The following DPP6 variants were observed in gnomAD, a reference collection of about 807,000 sequenced individuals.
DPP6 encodes A-type potassium channel modulatory protein DPP6.
Under a neutral mutation model 122.6 loss-of-function variants are expected in DPP6, and 69 were observed. That is an observed-to-expected ratio of 0.56 (90% confidence interval 0.46 to 0.69). The LOEUF is 0.69. DPP6 is among the 30% of genes least tolerant of loss of function. The pLI is 0.00. For synonymous variants in DPP6, 418 were observed against 433.1 expected (o/e 0.97, Z 0.43); for missense variants, 928 against 1,116.9 (o/e 0.83, Z 2.41).
intron 1 of DPP6, among the ~76,000 whole-genome samples, chr7:153,993,385 G>C (rs895325748): frequency 6.6e-6 from 1 of 152,144 alleles, no homozygotes; most frequent in Non-Finnish European, 1.5e-5. Context: ...TATTTCACCT[G>C]AATAAAAAAA....
chr7:154,342,976 A>G (rs951118361), intron 1 of DPP6, among the ~76,000 whole-genome samples: 12 of 152,224 alleles, frequency 7.9e-5, no homozygotes, highest in African/African-American at 2.7e-4. Context: ...AGTGGCCAAT[A>G]TTGATGTGCC....
At chr7:154,371,403 AAGAAAG>A (rs1410717676) in intron 1 of DPP6, among the ~76,000 whole-genome samples, 21 of 109,242 alleles carry the variant, frequency 1.9e-4, no homozygotes, top group African/African-American at 1.4e-3. Context: ...AAAAAAAAAA[AAGAAAG>A]AAAGAAAGAA....
chr7:154,383,422 C>G (rs1017340154), intron 1 of DPP6, among the ~76,000 whole-genome samples: 7 of 152,150 alleles, frequency 4.6e-5, no homozygotes, highest in African/African-American at 1.7e-4. Flanking sequence ...CATCGATTTG[C>G]AAAACATTGT....
intron 1 of DPP6, among the ~76,000 whole-genome samples, chr7:154,106,699 C>T (rs946673037): frequency 6.6e-5 from 10 of 152,056 alleles, no homozygotes; most frequent in Non-Finnish European, 8.8e-5. Context: ...ATGAAGGGTG[C>T]GATGGAGCTC....
intron 16 of DPP6, among the ~76,000 whole-genome samples, chr7:154,815,501 A>G (rs1799367819): frequency 6.6e-6 from 1 of 152,238 alleles, no homozygotes; most frequent in Admixed American, 6.5e-5. Context: ...CTTCAAAATG[A>G]ATCTCAAGAG....
At chr7:153,757,617 G>T in the DPP6 span, among the ~76,000 whole-genome samples, 4 of 152,298 alleles carry the variant, frequency 2.6e-5, no homozygotes, top group South Asian at 8.3e-4. Context: ...CATTCAACCA[G>T]CCTTCAGGGT....
At chr7:154,543,909 G>T (rs564939141) in intron 4 of DPP6, among the ~76,000 whole-genome samples, 37 of 146,316 alleles carry the variant, frequency 2.5e-4, no homozygotes, top group African/African-American at 9.1e-4. Context: ...CAAGAGAAAC[G>T]CTTGAACCTG....
At chr7:154,799,180 C>G (rs1798209892) in intron 12 of DPP6, among the ~76,000 whole-genome samples, 1 of 152,172 alleles carries the variant, frequency 6.6e-6, no homozygotes, top group South Asian at 2.1e-4. Context: ...AGCGAGCCTG[C>G]TAATTTTGTG....
At chr7:154,455,127 C>T (rs76853681) in intron 2 of DPP6, among the ~76,000 whole-genome samples, 2,606 of 152,280 alleles carry the variant, frequency 0.017, 78 homozygotes, top group African/African-American at 0.06. Flanking sequence ...CTTCACTCGC[C>T]CACACGCACA....
chr7:154,720,729 G>C (rs1841757951), intron 7 of DPP6, among the ~76,000 whole-genome samples: 1 of 152,246 alleles, frequency 6.6e-6, no homozygotes, highest in Non-Finnish European at 1.5e-5. Flanking sequence ...TACTGGCTGA[G>C]TGCCCACAGG....
At position 154,381,418 on chromosome 7, in the gene DPP6, G is replaced by A. The variant is rs576309134; in HGVS notation, c.244-64796G>A. Among the ~76,000 whole-genome samples, 2 of 152,276 alleles carry A rather than the reference G, an allele frequency of 1.3e-5. 1 individual carries two copies. The highest frequency in any genetic ancestry group is 3.9e-4 in the East Asian group (2 of 5,172). ...GATCAACTCATATACACCTACACAT[G>A]TAATGCCTCTATATGGGTCTGTGTG... On this transcript the variant is annotated intron_variant, in intron 1 of 25. Transcript: ENST00000377770.
chr7:154,275,628 G>A (rs1804077407), intron 1 of DPP6, among the ~76,000 whole-genome samples: 1 of 152,160 alleles, frequency 6.6e-6, no homozygotes, highest in Non-Finnish European at 1.5e-5. Flanking sequence ...TTCACCCCTG[G>A]TATGCCAGGA....
At chr7:154,777,475 T>A (rs763954933) in intron 10 of DPP6, among the ~76,000 whole-genome samples, 1 of 152,164 alleles carries the variant, frequency 6.6e-6, no homozygotes, top group African/African-American at 2.4e-5. Context: ...ATAAACACTG[T>A]CTATCCTGTG....
chr7:154,168,338 G>GAGAC (rs1357889854), intron 1 of DPP6, among the ~76,000 whole-genome samples: 1 of 152,218 alleles, frequency 6.6e-6, no homozygotes. Flanking sequence ...CAGGGCCACA[G>GAGAC]AGACAGACAG....
At chr7:154,064,147 C>G (rs773850150) in intron 1 of DPP6, among the ~76,000 whole-genome samples, 16 of 152,094 alleles carry the variant, frequency 1.1e-4, no homozygotes, top group Admixed American at 2.0e-4. Flanking sequence ...ACTCATCTAC[C>G]CTGTACCCCC....
intron 1 of DPP6, among the ~76,000 whole-genome samples, chr7:153,901,654 A>G (rs1799642980): frequency 6.6e-6 from 1 of 152,246 alleles, no homozygotes; most frequent in African/African-American, 2.4e-5. Context: ...TTGCTGTTCA[A>G]TAGGGTTATA....
chr7:153,892,116 A>C (rs996716527), intron 1 of DPP6, among the ~76,000 whole-genome samples: 3 of 152,138 alleles, frequency 2.0e-5, no homozygotes, highest in African/African-American at 7.2e-5. Flanking sequence ...TCTCTTTTCT[A>C]TGTTGGATAA....
intron 1 of DPP6, among the ~76,000 whole-genome samples, chr7:154,423,659 CCAAA>C (rs1350822043): frequency 1.1e-4 from 17 of 151,950 alleles, no homozygotes; most frequent in Admixed American, 5.2e-4. Flanking sequence ...CTCTGAATAC[CCAAA>C]CAGAGAATAC....
intron 1 of DPP6, among the ~76,000 whole-genome samples, chr7:154,270,941 T>C (rs1233616458): frequency 2.0e-5 from 3 of 152,180 alleles, no homozygotes; most frequent in Non-Finnish European, 4.4e-5. Flanking sequence ...CTCTCCTTTT[T>C]CTCAAAAGCC....
Sources: allele counts gnomAD v4.1 joint callset (sites outside exome capture counted in the v4.1 genomes callset), GRCh38; gene constraint gnomAD v4.1.1; transcripts MANE v1.5; gene names NCBI Gene and HGNC (gene_info 2026-07-23, HGNC 2026-07-21).